Variants in ZNF717 observed in about 807,000 individuals in gnomAD.
ZNF717 encodes the protein zinc finger protein 717, also known as krueppel-like factor X17.
In ZNF717, 9 loss-of-function variants were observed where a neutral mutation model predicts 13.8. The ratio of observed to expected loss-of-function variants is 0.65; its 90% confidence interval spans 0.39 to 1.14. ZNF717 has a LOEUF of 1.14. Ranked by LOEUF, ZNF717 falls within the 50% of genes most tolerant of loss-of-function variation. The probability of loss-of-function intolerance (pLI) is 0.01; values close to 1 mark genes in which losing one functional copy is unlikely to be tolerated. For missense variants in ZNF717, 1,040 were observed against 1,080.7 expected (o/e 0.96, Z 0.53); for synonymous variants, 327 against 364.1 (o/e 0.90, Z 1.16).
intron 4 of ZNF717, among the ~76,000 whole-genome samples, chr3:75,721,780 G>A (rs1272182035): frequency 2.0e-5 from 3 of 151,906 alleles, no homozygotes; most frequent in African/African-American, 7.3e-5. Flanking sequence ...GAGGAATAAG[G>A]TCTCTATTTT....
downstream of ZNF717, among the ~76,000 whole-genome samples, chr3:75,730,924 A>C (rs1314845026): frequency 2.6e-5 from 4 of 152,246 alleles, no homozygotes; most frequent in African/African-American, 9.6e-5. Context: ...AACAGATTCC[A>C]GGTTCTGATT....
intron 2 of ZNF717, among the ~76,000 whole-genome samples, chr3:75,775,953 T>C (rs1262141169): frequency 1.3e-5 from 2 of 152,182 alleles, no homozygotes; most frequent in African/African-American, 2.4e-5. Context: ...CAAGGAAATA[T>C]TTTGCCAGAT....
intron 2 of ZNF717, among the ~76,000 whole-genome samples, chr3:75,749,462 G>A (rs1271969348): frequency 1.1e-3 from 163 of 151,832 alleles, no homozygotes; most frequent in Middle Eastern, 6.9e-3. Flanking sequence ...CCTCACATAC[G>A]ATTCCGGAAC....
At chr3:75,744,053 A>C (rs1176553606) in intron 2 of ZNF717, among the ~76,000 whole-genome samples, 3 of 152,270 alleles carry the variant, frequency 2.0e-5, no homozygotes, top group Non-Finnish European at 4.4e-5. Context: ...AAAGAATAAA[A>C]GAAACAAGTA....
At chr3:75,715,255 A>C (rs1938023893) in intron 5 of ZNF717, among the ~76,000 whole-genome samples, 1 of 152,214 alleles carries the variant, frequency 6.6e-6, no homozygotes, top group African/African-American at 2.4e-5. Flanking sequence ...TTGTATAAGA[A>C]AAATAAAATC....
rs2918516 is a variant in ZNF717 at position 75,736,513 on chromosome 3, C to G, written c.*365G>C. 0.35 allele frequency: 74,919 copies of G among 216,650 alleles called. 6,251 individuals carry two copies. Among genetic ancestry groups the G allele is most frequent in the South Asian group, 0.48 (3,564 of 7,370 alleles). The allele number at this position is 216,650 out of a possible 1,614,324, so 13.4% of individuals were successfully genotyped here. A position where few individuals can be genotyped will look rare whatever the true frequency, so the allele number is the denominator to read the frequency against. On this transcript the variant is annotated 3_prime_UTR_variant, in exon 5 of 5. Transcript: ENST00000652011. ...CTGACACAGAGAAAGTCTGAGTGGT[C>G]CACATAGAAGATCAAACCAGCCCCA...
intron 2 of ZNF717, among the ~76,000 whole-genome samples, chr3:75,764,665 T>C (rs952518769): frequency 6.6e-6 from 1 of 152,188 alleles, no homozygotes; most frequent in African/African-American, 2.4e-5. Context: ...ATACATGAGA[T>C]ATATGAGAAG....
At chr3:75,773,448 A>T (rs1166158068) in intron 2 of ZNF717, among the ~76,000 whole-genome samples, 1 of 152,212 alleles carries the variant, frequency 6.6e-6, no homozygotes, top group Non-Finnish European at 1.5e-5. Context: ...TCATCTAGGG[A>T]TGCCTATTAA....
chr3:75,730,710 G>A, intron 5 of ZNF717: 1 of 670,178 alleles, frequency 1.5e-6, no homozygotes, highest in South Asian at 1.7e-5. Context: ...GGATAACAAG[G>A]AACAAGTACA....
intron 6 of ZNF717, among the ~76,000 whole-genome samples, chr3:75,699,418 G>A (rs1937642145): frequency 6.6e-6 from 1 of 152,308 alleles, no homozygotes; most frequent in Admixed American, 6.5e-5. Context: ...AATGTTGGAA[G>A]TGGGCCTAGT....
chr3:75,706,252 A>G (rs545773131), downstream of ZNF717, among the ~76,000 whole-genome samples: 4 of 152,420 alleles, frequency 2.6e-5, no homozygotes, highest in East Asian at 7.7e-4. Context: ...GAGGAAATAC[A>G]CTAACACTGA....
intron 2 of ZNF717, among the ~76,000 whole-genome samples, chr3:75,762,440 C>CAAAAAA (rs36024450): frequency 2.6e-5 from 3 of 116,446 alleles, no homozygotes; most frequent in African/African-American, 3.4e-5. Context: ...GACTCCATCT[C>CAAAAAA]AAAAAAAAAA....
At chr3:75,775,403 G>A (rs998380868) in intron 2 of ZNF717, among the ~76,000 whole-genome samples, 1 of 152,218 alleles carries the variant, frequency 6.6e-6, no homozygotes, top group African/African-American at 2.4e-5. Flanking sequence ...TCACAAGCAT[G>A]CAAAATTCTA....
Position 75,737,432 on chromosome 3 carries a change from T to C in ZNF717, c.2191A>G (p.Met731Val), listed in dbSNP as rs970408528. The part of the protein sequence containing the change: ...IKVFTRGRNP[M>V]NVANVEKPCQ... ...GGTTTTTCCACATTTGCTACATTCATAGGGTTTCTCCCCCGTGTGAATACC... is the reference window on the plus strand; with the variant it reads ...GGTTTTTCCACATTTGCTACATTCACAGGGTTTCTCCCCCGTGTGAATACC... Residue 731 changes from methionine to valine, a missense_variant, in exon 5 of 5, where the codon ATG (methionine) becomes GTG (valine). Coordinates refer to ENST00000652011, the MANE Select transcript of ZNF717 (RefSeq NM_001290208.3). 5.8e-6 allele frequency: 9 copies of C among 1,555,184 alleles called. No individual in the cohort carries two copies. The highest frequency in any genetic ancestry group is 1.7e-4 in the Middle Eastern group (1 of 5,998).
downstream of ZNF717, among the ~76,000 whole-genome samples, chr3:75,705,307 A>C (rs1289706430): frequency 3.3e-5 from 5 of 152,306 alleles, no homozygotes; most frequent in African/African-American, 1.2e-4. Flanking sequence ...AAGAGAAACT[A>C]AGTGGGAGGA....
rs1203589877 is a variant in ZNF717, at chr3:75,738,931, T to C, written c.692A>G (p.His231Arg). Residue 231 changes from histidine (H) to arginine (R), a missense_variant, in exon 5 of 5, where the codon CAT becomes CGT. By Grantham distance (29) the His-to-Arg change is conservative. Transcript: ENST00000652011. ...EAMFFIHKRV[H>R]IVQTFGKYNE... ...ATATTTACCAAAGGTCTGTACTATA[T>C]GAACCCTCTTATGTATAAAGAACAT... The C allele has an allele frequency of 5.3e-5, 82 of 1,551,448 alleles. No homozygotes were observed. Among genetic ancestry groups the C allele is most frequent in the Non-Finnish European group, 6.9e-5 (79 of 1,146,976 alleles).
At chr3:75,764,406 A>G (rs1943264665) in intron 2 of ZNF717, among the ~76,000 whole-genome samples, 1 of 152,198 alleles carries the variant, frequency 6.6e-6, no homozygotes, top group African/African-American at 2.4e-5. Context: ...CTGGACCCCA[A>G]TTCTACCTGA....
At chr3:75,705,538 G>C (rs1349795657), downstream of ZNF717, among the ~76,000 whole-genome samples, 1 of 152,308 alleles carries the variant, frequency 6.6e-6, no homozygotes, top group African/African-American at 2.4e-5. Flanking sequence ...TTCCAGTTCT[G>C]GTGAGGTGTG....
downstream of ZNF717, among the ~76,000 whole-genome samples, chr3:75,735,143 A>G (rs1939004311): frequency 6.6e-6 from 1 of 152,214 alleles, no homozygotes; most frequent in South Asian, 2.1e-4. Flanking sequence ...ACTTTAATAT[A>G]TACAAGGCTA....
Sources: allele counts gnomAD v4.1 joint callset (sites outside exome capture counted in the v4.1 genomes callset), GRCh38; gene constraint gnomAD v4.1.1; transcripts MANE v1.5; gene names NCBI Gene and HGNC (gene_info 2026-07-23, HGNC 2026-07-21).